Variants in CDK15 observed in about 807,000 individuals in gnomAD.
CDK15 encodes cyclin-dependent kinase 15.
In CDK15, 62 loss-of-function variants were observed where a neutral mutation model predicts 60.3. That is an observed-to-expected ratio of 1.03 (90% CI 0.84 to 1.27). The LOEUF is 1.27. Ranked by LOEUF, CDK15 falls within the 50% of genes most tolerant of loss-of-function variation. The pLI, the probability that CDK15 is intolerant of heterozygous loss-of-function variation, is 0.00. For missense variants in CDK15, 541 were observed against 527.8 expected (o/e 1.03, Z -0.25); for synonymous variants, 194 against 195.7 (o/e 0.99, Z 0.07).
rs1696977022 is a variant in CDK15, at chr2:201,835,703, G to A, written c.791G>A (p.Trp264Ter). The A allele has an allele frequency of 6.2e-7, 1 of 1,611,048 alleles. No homozygotes were observed. The highest frequency in any genetic ancestry group is 1.3e-5 in the African/African-American group (1 of 74,692). The change falls in exon 8 of 14, where the codon TGG becomes TAG. Residue 264 changes from tryptophan (W) to a stop codon, truncating the protein, a stop_gained. Transcript: ENST00000652192. LOFTEE classifies it high-confidence loss of function. Reference protein sequence around the residue: ...QTYSSEVVTLWYRPPDALLGA... With the variant: ...QTYSSEVVTL ...TACTCTTCAGAAGTCGTGACCCTCT[G>A]GTACCGGCCCCCTGATGCTTTGCTG...
At position 201,833,860 on chromosome 2, in the gene CDK15, C is replaced by T; in HGVS notation, c.619C>T (p.Gln207Ter). The part of the protein sequence containing the change: ...HPHNVRLFMF[Q>*]LLRGLAYIHH... ...TTCTTCCTTCCAGCTTTTCATGTTT[C>T]AACTTTTGCGGGGCCTGGCGTACAT... Residue 207 changes from glutamine (Q) to a stop codon, truncating the protein, a stop_gained, in exon 7 of 14, where the codon CAA (glutamine) becomes TAA (stop). Coordinates refer to ENST00000652192, the MANE Select transcript of CDK15 (RefSeq NM_001366386.2). LOFTEE classifies it high-confidence loss of function. 6.2e-7 allele frequency: 1 copy of T among 1,613,264 alleles called. No individual in the cohort carries two copies.
At position 201,894,434 on chromosome 2, in the gene CDK15, AC is replaced by A. The variant is rs1227820206; in HGVS notation, c.*1169del. On this transcript the variant is annotated 3_prime_UTR_variant, in exon 14 of 14. Transcript: ENST00000652192. ...CATTTGACAAAGACTGTCCAGCTATACCTGAAAGATGAAACAGTGTAGGCTG... is the reference window on the plus strand; with the variant it reads ...CATTTGACAAAGACTGTCCAGCTATACTGAAAGATGAAACAGTGTAGGCTG... 7 of 152,318 alleles carry A rather than the reference AC, an allele frequency of 4.6e-5. No homozygotes were observed. Among genetic ancestry groups the A allele is most frequent in the African/African-American group, 1.4e-4 (6 of 41,576 alleles). 9.4% of individuals were successfully genotyped at this position (152,318 alleles called of 1,614,324 possible). A position where few individuals can be genotyped will look rare whatever the true frequency, so the allele number is the denominator to read the frequency against.
intron 10 of CDK15, among the ~76,000 whole-genome samples, chr2:201,861,847 C>T (rs1018313313): frequency 1.3e-5 from 2 of 152,120 alleles, no homozygotes; most frequent in Non-Finnish European, 2.9e-5. Flanking sequence ...AGGTGTGAGC[C>T]ACTGCCTCCA....
chr2:201,808,285 A>G (rs924960406), intron 3 of CDK15, among the ~76,000 whole-genome samples: 2 of 152,218 alleles, frequency 1.3e-5, no homozygotes, highest in Non-Finnish European at 2.9e-5. Context: ...CAGTTGGTAA[A>G]GCGTCTCTAA....
rs539267362 is a variant in CDK15, at chr2:201,860,337, G to C, written c.1009+5400G>C. On this transcript the variant is annotated intron_variant, in intron 10 of 13. Coordinates refer to ENST00000652192, the MANE Select transcript of CDK15 (RefSeq NM_001366386.2). Reference sequence around the variant, plus strand: ...GACAGGAGAGGATTTAGAAATAACAGTGCATGACATTAGTCAATGCATTTG... The same window carrying C: ...GACAGGAGAGGATTTAGAAATAACACTGCATGACATTAGTCAATGCATTTG... Among the ~76,000 whole-genome samples the C allele has an allele frequency of 1.5e-4, 23 of 152,354 alleles. 1 individual carries two copies. The highest frequency in any genetic ancestry group is 5.5e-4 in the African/African-American group (23 of 41,588).
intron 9 of CDK15, among the ~76,000 whole-genome samples, chr2:201,848,495 T>A (rs1478061444): frequency 4.6e-5 from 7 of 152,120 alleles, no homozygotes; most frequent in Non-Finnish European, 2.9e-5. Flanking sequence ...TTTCCAGAAC[T>A]TCTCTATCAT....
At chr2:201,879,379 GTTTT>G (rs1416764001) in intron 11 of CDK15, among the ~76,000 whole-genome samples, 1 of 152,076 alleles carries the variant, frequency 6.6e-6, no homozygotes, top group Non-Finnish European at 1.5e-5. Flanking sequence ...CCTTGAACAT[GTTTT>G]TTGTTTGTTT....
At chr2:201,889,090 C>T in intron 12 of CDK15, 1 of 985,306 alleles carries the variant, frequency 1.0e-6, no homozygotes, top group Non-Finnish European at 1.2e-6. Context: ...CCAGATTACC[C>T]ACAGCATTTA....
At position 201,888,984 on chromosome 2, in the gene CDK15, G is replaced by A. The variant is rs1011974005; in HGVS notation, c.1199-1801G>A. 1.9e-5 allele frequency: 19 copies of A among 985,814 alleles called. No homozygotes were observed. In the South Asian group the frequency reaches 3.8e-4, roughly 19 times the overall value. The allele number at this position is 985,814 out of a possible 1,614,324, so 61.1% of individuals were successfully genotyped here. A position where few individuals can be genotyped will look rare whatever the true frequency, so the allele number is the denominator to read the frequency against. On this transcript the variant is annotated intron_variant, in intron 12 of 13. Transcript: ENST00000652192. ...TACAAAATTGCATATTATAATATCC[G>A]TGTGAAAATGTCTTATGCATATCAA...
intron 1 of CDK15, 39 bp downstream of exon 1, chr2:201,806,826 T>C (rs1178194840): frequency 1.9e-6 from 3 of 1,594,202 alleles, no homozygotes; most frequent in Non-Finnish European, 2.5e-6. Context: ...TCTCTATTGA[T>C]AAACCAAGGA....
At chr2:201,875,749 A>G (rs1425524008) in intron 11 of CDK15, among the ~76,000 whole-genome samples, 1 of 152,232 alleles carries the variant, frequency 6.6e-6, no homozygotes, top group African/African-American at 2.4e-5. Flanking sequence ...CAAAAACTAT[A>G]CCTGTCTAAA....
intron 11 of CDK15, chr2:201,876,574 C>T (rs1441548419): frequency 5.4e-6 from 7 of 1,287,914 alleles, no homozygotes; most frequent in African/African-American, 1.5e-5. Context: ...CCTCTACCGG[C>T]GAAGGAGAAG....
intron 10 of CDK15, chr2:201,861,595 T>C (rs1390343422): frequency 7.7e-6 from 7 of 906,934 alleles, no homozygotes; most frequent in Non-Finnish European, 9.2e-6. Flanking sequence ...GAAGTCTCAC[T>C]TGTCACCCAG....
At position 201,806,807 on chromosome 2, in the gene CDK15, G is replaced by C; in HGVS notation, c.123+20G>C. ...TTCAAGGTATTTGTATCCCAGGAGA[G>C]AGCATCTTTCTCTATTGATAAACCA... On this transcript the variant is annotated intron_variant, in intron 1 of 13. Transcript: ENST00000652192. The C allele has an allele frequency of 1.9e-6, 3 of 1,597,260 alleles. No individual in the cohort carries two copies. The highest frequency in any genetic ancestry group is 2.2e-5 in the East Asian group (1 of 44,840).
intron 4 of CDK15, among the ~76,000 whole-genome samples, chr2:201,820,684 A>C (rs1696183123): frequency 6.6e-6 from 1 of 152,174 alleles, no homozygotes; most frequent in Non-Finnish European, 1.5e-5. Context: ...CTCTCGGCTG[A>C]GTGTGGTACT....
At chr2:201,850,357 T>C (rs1427178551) in intron 9 of CDK15, among the ~76,000 whole-genome samples, 2 of 152,202 alleles carry the variant, frequency 1.3e-5, no homozygotes, top group Admixed American at 1.3e-4. Flanking sequence ...TACGGTTCTT[T>C]AGTGTTCAGT....
chr2:201,836,263 G>A (rs1330132811), intron 8 of CDK15, among the ~76,000 whole-genome samples: 1 of 138,780 alleles, frequency 7.2e-6, no homozygotes, highest in Non-Finnish European at 1.5e-5. Flanking sequence ...GAGTGCAGTG[G>A]CACGATCTCA....
intron 4 of CDK15, among the ~76,000 whole-genome samples, chr2:201,822,350 G>A (rs781335094): frequency 1.3e-5 from 2 of 152,066 alleles, no homozygotes; most frequent in South Asian, 4.1e-4. Flanking sequence ...CATATCCACC[G>A]GCCCTATTGA....
intron 11 of CDK15, among the ~76,000 whole-genome samples, chr2:201,874,295 G>A (rs776249217): frequency 2.0e-5 from 3 of 152,172 alleles, no homozygotes; most frequent in South Asian, 2.1e-4. Flanking sequence ...CATCATCATG[G>A]AAAATTCCAT....
Sources: gnomAD v4.1 joint callset for allele counts (sites outside exome capture counted in the v4.1 genomes callset) on GRCh38, gnomAD v4.1.1 for gene constraint, MANE v1.5 for transcripts, NCBI Gene and HGNC (gene_info 2026-07-23, HGNC 2026-07-21) for gene names.